The following MIS12 variants were observed in gnomAD, a reference collection of about 807,000 sequenced individuals.
MIS12 encodes the protein protein MIS12 homolog.
In MIS12, 13 loss-of-function variants were observed where a neutral mutation model predicts 16.5. The observed-to-expected ratio is 0.79, with a 90% CI of 0.51 to 1.25. The LOEUF (loss-of-function observed/expected upper bound fraction) is 1.25. MIS12 is among the 50% of genes most tolerant of loss of function. The pLI, the probability that MIS12 is intolerant of heterozygous loss-of-function variation, is 0.00. For missense variants in MIS12, 199 were observed against 239.5 expected (o/e 0.83, Z 1.12); for synonymous variants, 97 against 87.3 (o/e 1.11, Z -0.62).
In MIS12 at chr17:5,490,122, C is replaced by CAGCA; in HGVS notation, c.*643_*644insGCAA. 6.0e-6 allele frequency: 1 copy of CAGCA among 167,150 alleles called. No individual in the cohort carries two copies. 10.4% of individuals were successfully genotyped at this position (167,150 alleles called of 1,614,324 possible). On this transcript the variant is annotated 3_prime_UTR_variant, in exon 3 of 3. Transcript: ENST00000611091. The stretch of plus-strand genomic sequence containing the variant: ...AGTCATTACACTGCGGAACAGCCAA[C>CAGCA]ATAGAGTACTTGCTCTCGTCCTGTG...
At chr17:5,487,795 T>G (rs936044612) in intron 1 of MIS12, 2 of 152,226 alleles carry the variant, frequency 1.3e-5, no homozygotes, top group African/African-American at 4.8e-5. Flanking sequence ...CCTCCTAAAG[T>G]GCTGAGATTA....
At position 5,489,269 on chromosome 17, in the gene MIS12, A is replaced by C; in HGVS notation, c.407A>C (p.Gln136Pro). 6.2e-7 allele frequency: 1 copy of C among 1,614,120 alleles called. No individual in the cohort carries two copies. Among genetic ancestry groups the C allele is most frequent in the South Asian group, 1.1e-5 (1 of 91,060 alleles). The change falls in exon 3 of 3, where the codon CAG becomes CCG. Residue 136 changes from glutamine (Q) to proline (P), a missense_variant. Coordinates refer to ENST00000611091, the MANE Select transcript of MIS12 (RefSeq NM_001258217.2). ...EKYKTELCTK[Q>P]ALLAELEEQK... ...TACAAGACTGAATTATGTACTAAGCAGGCCCTTCTTGCAGAATTAGAAGAG... is the reference window on the plus strand; with the variant it reads ...TACAAGACTGAATTATGTACTAAGCCGGCCCTTCTTGCAGAATTAGAAGAG...
Position 5,489,456 on chromosome 17 carries a change from A to T in MIS12, c.594A>T (p.Glu198Asp). ...LQNIRDNVEK[E>D]SKRLKIS is the part of the protein sequence containing the mutation. Reference sequence around the variant, plus strand: ...ACATTAGAGACAATGTGGAAAAGGAATCGAAACGACTGAAAATATCTTAAT... The same window carrying T: ...ACATTAGAGACAATGTGGAAAAGGATTCGAAACGACTGAAAATATCTTAAT... Residue 198 changes from glutamate to aspartate, a missense_variant, in exon 3 of 3, where the codon GAA becomes GAT. By Grantham distance (45) the Glu-to-Asp change is conservative (BLOSUM62 2). Coordinates refer to ENST00000611091, the MANE Select transcript of MIS12 (RefSeq NM_001258217.2). The T allele has an allele frequency of 6.3e-7, 1 of 1,589,266 alleles. No homozygotes were observed. Among genetic ancestry groups the T allele is most frequent in the Non-Finnish European group, 8.5e-7 (1 of 1,172,952 alleles).
rs764468542 is a variant in MIS12 at position 5,489,225 on chromosome 17, T to G, written c.363T>G (p.Ile121Met). The change falls in exon 3 of 3, where the codon ATT becomes ATG. Residue 121 changes from isoleucine (I) to methionine (M), a missense_variant. Ile to Met is a conservative substitution (Grantham distance 10). Coordinates refer to ENST00000611091, the MANE Select transcript of MIS12 (RefSeq NM_001258217.2). Reference protein sequence around the residue: ...EEDFQHLQKEIEQLQEKYKTE... With the variant: ...EEDFQHLQKEMEQLQEKYKTE... ...ATTTTCAGCATCTCCAGAAAGAAAT[T>G]GAACAGTTACAGGAGAAGTACAAGA... 1 of 1,614,176 alleles carries G rather than the reference T, an allele frequency of 6.2e-7. No homozygotes were observed. The highest frequency in any genetic ancestry group is 8.5e-7 in the Non-Finnish European group (1 of 1,180,034).
In MIS12 at chr17:5,489,560, A is replaced by C; in HGVS notation, c.*80A>C. 2 of 1,410,010 alleles carry C rather than the reference A, an allele frequency of 1.4e-6. No homozygotes were observed. The highest frequency in any genetic ancestry group is 2.4e-5 in the East Asian group (1 of 42,416). The allele number at this position is 1,410,010 out of a possible 1,614,324, so 87.3% of individuals were successfully genotyped here. ...TCAAACCATAAGGACTGTTCAAATC[A>C]TACCAGTGACTGTTCAAACCAACCA... On this transcript the variant is annotated 3_prime_UTR_variant, in exon 3 of 3. Transcript: ENST00000611091.
chr17:5,487,425 C>G (rs7218803), intron 1 of MIS12: 65,921 of 152,086 alleles, frequency 0.43, 16,844 homozygotes, highest in African/African-American at 0.72. Context: ...GACAGAGCGA[C>G]AACATGTCTC....
chr17:5,488,756 GTGAT>G (rs1906553919), intron 2 of MIS12, 63 bp from the exon 3 acceptor site: 1 of 1,246,478 alleles, frequency 8.0e-7, no homozygotes, highest in Non-Finnish European at 1.1e-6. Context: ...TATCTGTAAT[GTGAT>G]TGGTTACTTC....
intron 2 of MIS12, 33 bp from the exon 3 acceptor site, chr17:5,488,790 T>TC: frequency 1.3e-6 from 2 of 1,507,572 alleles, no homozygotes; most frequent in Non-Finnish European, 1.8e-6. Context: ...ATTTTTTTTT[T>TC]CCAAATGAAT....
Position 5,490,798 on chromosome 17 carries a change from A to G in MIS12, c.*1318A>G, listed in dbSNP as rs1906730493. On this transcript the variant is annotated 3_prime_UTR_variant, in exon 3 of 3. Coordinates refer to ENST00000611091, the MANE Select transcript of MIS12 (RefSeq NM_001258217.2). ...CTTTTTCCAATTCTGTACATTAAAT[A>G]TATGTGTTTTAAAGGGTTTGGTTTT... 6.0e-6 allele frequency: 1 copy of G among 166,376 alleles called. No individual in the cohort carries two copies. The highest frequency in any genetic ancestry group is 6.5e-5 in the Admixed American group (1 of 15,292). 10.3% of individuals were successfully genotyped at this position (166,376 alleles called of 1,614,324 possible).
At position 5,489,289 on chromosome 17, in the gene MIS12, G is replaced by A. The variant is rs1175695407; in HGVS notation, c.427G>A (p.Glu143Lys). Residue 143 changes from glutamate (E) to lysine (K), a missense_variant, in exon 3 of 3, where the codon GAA (glutamate) becomes AAA (lysine). Coordinates refer to ENST00000611091, the MANE Select transcript of MIS12 (RefSeq NM_001258217.2). ...CTKQALLAEL[E>K]EQKIVQAKLK... ...TAAGCAGGCCCTTCTTGCAGAATTA[G>A]AAGAGCAAAAAATTGTTCAGGCCAA... 1 of 1,613,870 alleles carries A rather than the reference G, an allele frequency of 6.2e-7. No homozygotes were observed. The highest frequency in any genetic ancestry group is 1.1e-5 in the South Asian group (1 of 91,010).
rs555468463 is a variant in MIS12, at chr17:5,489,730, C to T, written c.*250C>T. ...TTCTAATAAGTGGGAAGGGATCCAA[C>T]AAAGAAGCCATGACCAGTTAAAGAT... is the stretch of plus-strand genomic sequence containing the variant. On this transcript the variant is annotated 3_prime_UTR_variant, in exon 3 of 3. Transcript: ENST00000611091. 2.5e-6 allele frequency: 1 copy of T among 397,400 alleles called. No homozygotes were observed. The highest frequency in any genetic ancestry group is 7.6e-5 in the South Asian group (1 of 13,108). 24.6% of individuals were successfully genotyped at this position (397,400 alleles called of 1,614,324 possible).
At position 5,489,706 on chromosome 17, in the gene MIS12, TCTA is replaced by T; in HGVS notation, c.*227_*229del. On this transcript the variant is annotated 3_prime_UTR_variant, in exon 3 of 3. Coordinates refer to ENST00000611091, the MANE Select transcript of MIS12 (RefSeq NM_001258217.2). ...GAACTAGGCTGAAGCATCTGAGTCT[TCTA>T]ATAAGTGGGAAGGGATCCAACAAAG... is the stretch of plus-strand genomic sequence containing the variant. The T allele has an allele frequency of 2.2e-6, 1 of 448,846 alleles. No homozygotes were observed. The highest frequency in any genetic ancestry group is 3.6e-5 in the East Asian group (1 of 27,494). The allele number at this position is 448,846 out of a possible 1,614,324, so 27.8% of individuals were successfully genotyped here.
rs768133805 is a variant in MIS12, at chr17:5,489,095, T to C, written c.233T>C (p.Leu78Pro). 4.3e-6 allele frequency: 7 copies of C among 1,614,196 alleles called. No individual in the cohort carries two copies. Among genetic ancestry groups the C allele is most frequent in the Admixed American group, 3.3e-5 (2 of 60,028 alleles). ...TTCATGAAAGGACATTTTGATAACC[T>C]TTTTAGCAAAATGGAGCAACTGTTT... Reference protein sequence around the residue: ...LCFMKGHFDNLFSKMEQLFLQ... With the variant: ...LCFMKGHFDNPFSKMEQLFLQ... Residue 78 changes from leucine to proline, a missense_variant, in exon 3 of 3, where the codon CTT becomes CCT. Leu to Pro is a moderately conservative substitution (Grantham distance 98). Coordinates refer to ENST00000611091, the MANE Select transcript of MIS12 (RefSeq NM_001258217.2).
intron 1 of MIS12, chr17:5,486,988 A>T (rs987666073): frequency 6.6e-6 from 1 of 152,288 alleles, no homozygotes; most frequent in African/African-American, 2.4e-5. Flanking sequence ...AGCCGCATTT[A>T]TTCTGCTCTC....
In MIS12 at chr17:5,489,500, AGGAGCCTGTC is replaced by A; in HGVS notation, c.*21_*30del. 1 of 1,556,152 alleles carries A rather than the reference AGGAGCCTGTC, an allele frequency of 6.4e-7. No individual in the cohort carries two copies. On this transcript the variant is annotated 3_prime_UTR_variant, in exon 3 of 3. Transcript: ENST00000611091. Reference sequence around the variant, plus strand: ...TCTTAATTGCTCAGTAGTCAAAAGGAGGAGCCTGTCAAAAAGTAGAATCATAAGGACTGTT... The same window carrying A: ...TCTTAATTGCTCAGTAGTCAAAAGGAAAAAAGTAGAATCATAAGGACTGTT...
intron 1 of MIS12, among the ~76,000 whole-genome samples, chr17:5,487,901 A>C (rs1255509921): frequency 6.6e-6 from 1 of 152,202 alleles, no homozygotes; most frequent in Non-Finnish European, 1.5e-5. Context: ...GCTTATTGCA[A>C]ATTATTTCAT....
Position 5,490,157 on chromosome 17 carries a change from T to TTA in MIS12, c.*677_*678insTA, listed in dbSNP as rs998826621. 3 of 167,076 alleles carry TTA rather than the reference T, an allele frequency of 1.8e-5. No individual in the cohort carries two copies. Among genetic ancestry groups the TTA allele is most frequent in the Non-Finnish European group, 4.4e-5 (3 of 68,120 alleles). The allele number at this position is 167,076 out of a possible 1,614,324, so 10.3% of individuals were successfully genotyped here. On this transcript the variant is annotated 3_prime_UTR_variant, in exon 3 of 3. Coordinates refer to ENST00000611091, the MANE Select transcript of MIS12 (RefSeq NM_001258217.2). Reference sequence around the variant, plus strand: ...TTGCTCTCGTCCTGTGAATTTTCTTTCATGAGGGAGTCAATATGTAGTGGA... The same window carrying TTA: ...TTGCTCTCGTCCTGTGAATTTTCTTTTACATGAGGGAGTCAATATGTAGTGGA...
intron 2 of MIS12, 83 bp from the exon 3 acceptor site, chr17:5,488,740 G>A: frequency 9.3e-7 from 1 of 1,074,718 alleles, no homozygotes; most frequent in Non-Finnish European, 1.3e-6. Context: ...TTGCTTCTTT[G>A]TTTGCTATCT....
At chr17:5,486,438 C>T (rs138511255), upstream of MIS12, 675 of 346,736 alleles carry the variant, frequency 1.9e-3, 4 homozygotes, top group South Asian at 6.5e-3. Context: ...CAGGTTCCTT[C>T]TGCCAATCCC....
Sources: gnomAD v4.1 joint callset for allele counts (sites outside exome capture counted in the v4.1 genomes callset) on GRCh38, gnomAD v4.1.1 for gene constraint, MANE v1.5 for transcripts, NCBI Gene and HGNC (gene_info 2026-07-23, HGNC 2026-07-21) for gene names.